Variants in MSRA observed in about 807,000 individuals in gnomAD.
The protein encoded by MSRA is methionine sulfoxide reductase A, also known as mitochondrial peptide methionine sulfoxide reductase.
Under a neutral mutation model 31.3 loss-of-function variants are expected in MSRA, and 54 were observed. That is an observed-to-expected ratio of 1.73 (90% CI 1.39 to 2.17). MSRA has a LOEUF of 2.17. Ranked by LOEUF, MSRA falls within the 30% of genes most tolerant of loss-of-function variation. The pLI is 0.00. For missense variants in MSRA, 507 were observed against 300.9 expected (o/e 1.69, Z -5.07); for synonymous variants, 169 against 116.5 (o/e 1.45, Z -2.90).
intron 5 of MSRA, among the ~76,000 whole-genome samples, chr8:10,364,608 C>T (rs1441251044): frequency 2.0e-5 from 3 of 152,226 alleles, no homozygotes; most frequent in Non-Finnish European, 4.4e-5. Flanking sequence ...TTACATTCCA[C>T]TTGACAGGAG....
chr8:10,236,565 G>A (rs34780411), intron 2 of MSRA, among the ~76,000 whole-genome samples: 31,698 of 152,106 alleles, frequency 0.21, 4,113 homozygotes, highest in Admixed American at 0.33. Flanking sequence ...ATTTTCTTGC[G>A]ATGGAGTCTC....
chr8:10,098,035 T>TA (rs34260201), intron 1 of MSRA, among the ~76,000 whole-genome samples: 19 of 151,900 alleles, frequency 1.3e-4, no homozygotes, highest in African/African-American at 3.9e-4. Flanking sequence ...AAGCTTTTTT[T>TA]AAAAAAAAGT....
chr8:10,082,195 A>G (rs972376748), intron 1 of MSRA, among the ~76,000 whole-genome samples: 7 of 152,196 alleles, frequency 4.6e-5, no homozygotes, highest in African/African-American at 1.7e-4. Context: ...GTAGTGTGAA[A>G]CCCTGCTGCT....
intron 1 of MSRA, among the ~76,000 whole-genome samples, chr8:10,147,950 C>G (rs1330110474): frequency 6.6e-6 from 1 of 152,188 alleles, no homozygotes; most frequent in Non-Finnish European, 1.5e-5. Context: ...TTTAGAGGGA[C>G]CGGAAAGGGG....
intron 5 of MSRA, among the ~76,000 whole-genome samples, chr8:10,339,266 G>A (rs61619163): frequency 6.6e-6 from 1 of 152,154 alleles, no homozygotes; most frequent in Non-Finnish European, 1.5e-5. Context: ...CTTTATCTGA[G>A]CATGGAGACA....
chr8:10,348,432 T>C (rs1335232081), intron 5 of MSRA, among the ~76,000 whole-genome samples: 5 of 127,550 alleles, frequency 3.9e-5, no homozygotes, highest in African/African-American at 1.2e-4. Flanking sequence ...TGCAGTGGCG[T>C]GATCTCGGCT....
chr8:10,096,897 A>G (rs1296711991), intron 1 of MSRA, among the ~76,000 whole-genome samples: 1 of 152,178 alleles, frequency 6.6e-6, no homozygotes, highest in Non-Finnish European at 1.5e-5. Flanking sequence ...ACTTCCTATA[A>G]TCATGTATTT....
At chr8:10,177,519 G>C (rs1319146838) in intron 1 of MSRA, among the ~76,000 whole-genome samples, 1 of 152,152 alleles carries the variant, frequency 6.6e-6, no homozygotes, top group African/African-American at 2.4e-5. Flanking sequence ...TTCTTTGGGA[G>C]GAAAGGATTG....
intron 1 of MSRA, among the ~76,000 whole-genome samples, chr8:10,169,654 G>T (rs921327663): frequency 6.6e-6 from 1 of 152,120 alleles, no homozygotes; most frequent in African/African-American, 2.4e-5. Context: ...CAAAAACATT[G>T]TTCAGAAAAA....
chr8:10,289,940 A>G (rs896370374), intron 3 of MSRA, among the ~76,000 whole-genome samples: 2 of 152,212 alleles, frequency 1.3e-5, no homozygotes, highest in Non-Finnish European at 2.9e-5. Flanking sequence ...TTTGATTACC[A>G]CTGGTAAGTT....
chr8:10,213,742 G>A (rs552806281), intron 2 of MSRA, among the ~76,000 whole-genome samples: 1 of 152,150 alleles, frequency 6.6e-6, no homozygotes, highest in African/African-American at 2.4e-5. Context: ...GGACACTTAG[G>A]TTGCTTCCAA....
intron 5 of MSRA, chr8:10,353,491 G>A (rs973798963): frequency 2.5e-6 from 1 of 397,790 alleles, no homozygotes; most frequent in Non-Finnish European, 5.1e-6. Context: ...CCGGAGGCCC[G>A]GAGGCCCGTG....
chr8:10,396,766 A>G (rs1406672739), intron 5 of MSRA, among the ~76,000 whole-genome samples: 1 of 152,176 alleles, frequency 6.6e-6, no homozygotes, highest in African/African-American at 2.4e-5. Context: ...TTGATTTGGA[A>G]CCTCAAGATT....
intron 5 of MSRA, among the ~76,000 whole-genome samples, chr8:10,427,699 C>T (rs1470505562): frequency 6.6e-6 from 1 of 152,160 alleles, no homozygotes; most frequent in African/African-American, 2.4e-5. Flanking sequence ...CCATCCCTAC[C>T]CTGTCCACCC....
chr8:10,239,325 C>G (rs1212552237), intron 2 of MSRA, among the ~76,000 whole-genome samples: 2 of 152,144 alleles, frequency 1.3e-5, no homozygotes, highest in African/African-American at 4.8e-5. Context: ...CCATGCCCAG[C>G]TAATTTTTGT....
At chr8:10,188,357 T>C (rs1807230805) in intron 1 of MSRA, among the ~76,000 whole-genome samples, 2 of 152,248 alleles carry the variant, frequency 1.3e-5, no homozygotes, top group Non-Finnish European at 2.9e-5. Context: ...CCTCATGTTA[T>C]CGTTTAACAG....
intron 1 of MSRA, among the ~76,000 whole-genome samples, chr8:10,110,013 C>G (rs1800165490): frequency 6.6e-6 from 1 of 152,058 alleles, no homozygotes; most frequent in African/African-American, 2.4e-5. Context: ...CTCTTGTTCC[C>G]CACATCCCAG....
chr8:10,163,216 G>A (rs957701655), intron 1 of MSRA, among the ~76,000 whole-genome samples: 2 of 152,172 alleles, frequency 1.3e-5, no homozygotes, highest in African/African-American at 2.4e-5. Context: ...TACACTTGTG[G>A]TGTTCATAAG....
chr8:10,265,471 T>A (rs947511222), intron 3 of MSRA, among the ~76,000 whole-genome samples: 8 of 152,156 alleles, frequency 5.3e-5, no homozygotes, highest in African/African-American at 1.9e-4. Context: ...GAATCTTCTC[T>A]TCTCCCAGGG....
Sources: gnomAD v4.1 joint callset for allele counts (sites outside exome capture counted in the v4.1 genomes callset) on GRCh38, gnomAD v4.1.1 for gene constraint, MANE v1.5 for transcripts, NCBI Gene and HGNC (gene_info 2026-07-23, HGNC 2026-07-21) for gene names.